The following SH2B1 variants were observed in gnomAD, a reference collection of about 807,000 sequenced individuals.
The protein encoded by SH2B1 is SH2B adapter protein 1.
In SH2B1, 15 loss-of-function variants were observed where a neutral mutation model predicts 62.6. That is an observed-to-expected ratio of 0.24 (90% CI 0.16 to 0.37). The LOEUF (loss-of-function observed/expected upper bound fraction) is 0.37, where lower values mean the gene tolerates loss of function less well. Ranked by LOEUF, SH2B1 falls within the 10% of genes least tolerant of loss-of-function variation. SH2B1 has a pLI of 1.00. For synonymous variants in SH2B1, 443 were observed against 438.0 expected (o/e 1.01, Z -0.14); for missense variants, 925 against 1,015.6 (o/e 0.91, Z 1.21).
chr16:28,868,738 G>C (rs1418683081), intron 2 of SH2B1, among the ~76,000 whole-genome samples: 1 of 152,142 alleles, frequency 6.6e-6, no homozygotes, highest in African/African-American at 2.4e-5. Flanking sequence ...TTACAGGTGT[G>C]AGCCATCGTA....
intron 1 of SH2B1, among the ~76,000 whole-genome samples, chr16:28,857,735 G>A (rs910051689): frequency 4.2e-5 from 5 of 119,536 alleles, no homozygotes; most frequent in Non-Finnish European, 8.1e-5. Context: ...TTCAGTGTCC[G>A]GAGTTCTTTT....
intron 1 of SH2B1, among the ~76,000 whole-genome samples, chr16:28,855,926 C>G (rs1266272163): frequency 6.7e-6 from 1 of 149,074 alleles, no homozygotes; most frequent in African/African-American, 2.5e-5. Flanking sequence ...CTGCCTCGGC[C>G]TCCCAAAGTG....
At chr16:28,853,026 A>AT (rs1962225310) in intron 1 of SH2B1, among the ~76,000 whole-genome samples, 1 of 72,704 alleles carries the variant, frequency 1.4e-5, no homozygotes, top group East Asian at 3.8e-4. Context: ...ATATATGTAC[A>AT]TATATATGTA....
rs370302573 is a variant in SH2B1 at position 28,873,257 on chromosome 16, C to G, written c.1898-190C>G. 6.2e-7 allele frequency: 1 copy of G among 1,607,454 alleles called. No individual in the cohort carries two copies. Among genetic ancestry groups the G allele is most frequent in the South Asian group, 1.1e-5 (1 of 90,204 alleles). On this transcript the variant is annotated intron_variant, in intron 7 of 7. Transcript: ENST00000684370. The surrounding 1 kb of genome is among the most constrained non-coding windows in gnomAD (Gnocchi z 4.2). ...TCCTGCACCCTCATGCCCTTCGGAG[C>G]GAGTGACTGTGTGTAAGTGTGGTCC...
At position 28,864,052 on chromosome 16, in the gene SH2B1, G is replaced by A. The variant is rs1567465100; in HGVS notation, c.-2043G>A. On this transcript the variant is annotated 5_prime_UTR_variant, in exon 1 of 8. Transcript: ENST00000684370. ...GGTGGGGGTGGGCGTGGAGGGCCGGGGGCTGGAGAGGCACTCGGCCCCGGA... is the reference window on the plus strand; with the variant it reads ...GGTGGGGGTGGGCGTGGAGGGCCGGAGGCTGGAGAGGCACTCGGCCCCGGA... 1 of 1,369,940 alleles carries A rather than the reference G, an allele frequency of 7.3e-7. No individual in the cohort carries two copies. The highest frequency in any genetic ancestry group is 9.4e-7 in the Non-Finnish European group (1 of 1,059,160). The allele number at this position is 1,369,940 out of a possible 1,614,324, so 84.9% of individuals were successfully genotyped here. A position where few individuals can be genotyped will look rare whatever the true frequency, so the allele number is the denominator to read the frequency against.
At chr16:28,861,333 A>G (rs1235312925), upstream of SH2B1, among the ~76,000 whole-genome samples, 3 of 152,042 alleles carry the variant, frequency 2.0e-5, no homozygotes, top group East Asian at 1.9e-4. Context: ...GGGTTTCACT[A>G]TGTTGGCCAG....
chr16:28,850,917 G>C (rs1760732651), intron 1 of SH2B1, among the ~76,000 whole-genome samples: 1 of 150,264 alleles, frequency 6.7e-6, no homozygotes, highest in African/African-American at 2.5e-5. Context: ...GCTCATGCCT[G>C]TAATCCCAGC....
In SH2B1 at chr16:28,865,820, C is replaced by A; in HGVS notation, c.-275C>A. The A allele has an allele frequency of 1.6e-6, 2 of 1,245,522 alleles. No homozygotes were observed. The highest frequency in any genetic ancestry group is 1.6e-5 in the African/African-American group (1 of 64,364). The allele number at this position is 1,245,522 out of a possible 1,614,324, so 77.2% of individuals were successfully genotyped here. On this transcript the variant is annotated 5_prime_UTR_variant, in exon 1 of 8. It adds an upstream start codon to the 5' untranslated region. Coordinates refer to ENST00000684370, the MANE Select transcript of SH2B1 (RefSeq NM_001387430.1). ...TGGCAGGCTCGGGGCAGGTTAGACG[C>A]TGGGGAGCCAGTTGGCTGGGGCCTG...
chr16:28,852,249 T>G (rs867127656), intron 1 of SH2B1, among the ~76,000 whole-genome samples: 35 of 83,526 alleles, frequency 4.2e-4, no homozygotes, highest in South Asian at 7.1e-4. Flanking sequence ...TATATTTACA[T>G]ATATATATTT....
Position 28,872,076 on chromosome 16 carries a change from G to T in SH2B1, c.1513+93G>T, listed in dbSNP as rs991367688. 1.6e-5 allele frequency: 22 copies of T among 1,353,580 alleles called. No homozygotes were observed. The highest frequency in any genetic ancestry group is 2.3e-5 in the Non-Finnish European group (22 of 953,502). 83.8% of individuals were successfully genotyped at this position (1,353,580 alleles called of 1,614,324 possible). A position where few individuals can be genotyped will look rare whatever the true frequency, so the allele number is the denominator to read the frequency against. ...ATCCCGAGGGAGCTGGCCCAGGGGAGTTGGGGACGCATGTGGGGAGCAGGC... is the reference window on the plus strand; with the variant it reads ...ATCCCGAGGGAGCTGGCCCAGGGGATTTGGGGACGCATGTGGGGAGCAGGC... On this transcript the variant is annotated intron_variant, in intron 5 of 7. Coordinates refer to ENST00000684370, the MANE Select transcript of SH2B1 (RefSeq NM_001387430.1). This position sits in a 1 kb window ranked among gnomAD's most constrained non-coding sequence, Gnocchi z 5.3.
At chr16:28,852,817 TAC>T (rs1427820454) in intron 1 of SH2B1, among the ~76,000 whole-genome samples, 55 of 51,872 alleles carry the variant, frequency 1.1e-3, no homozygotes, top group African/African-American at 4.9e-3. Flanking sequence ...TACATATATT[TAC>T]ATATATATTT....
At position 28,869,096 on chromosome 16, in the gene SH2B1, G is replaced by A; in HGVS notation, c.1132G>A (p.Gly378Arg). The change falls in exon 3 of 8, where the codon GGA becomes AGA. Residue 378 changes from glycine to arginine, a missense_variant and splice_region_variant. Gly to Arg is a moderately radical substitution (Grantham distance 125). This residue lies in a region of SH2B1 where 683 missense variants were observed against 704.0 expected (regional missense o/e 0.97). Coordinates refer to ENST00000684370, the MANE Select transcript of SH2B1 (RefSeq NM_001387430.1). ...TGACATCCAAGAATGCCTGAGCCCA[G>A]GGTGAGAAGCCTGACTTCTGTCGCT... The part of the protein sequence containing the change: ...VSDIQECLSP[G>R]PCPATSPRPM... 1 of 1,614,138 alleles carries A rather than the reference G, an allele frequency of 6.2e-7. No individual in the cohort carries two copies. Among genetic ancestry groups the A allele is most frequent in the East Asian group, 2.2e-5 (1 of 44,880 alleles).
rs780881879 is a variant in SH2B1 at position 28,866,808 on chromosome 16, C to T, written c.714C>T (p.Gly238=). 28 of 1,582,472 alleles carry T rather than the reference C, an allele frequency of 1.8e-5. No homozygotes were observed. The highest frequency in any genetic ancestry group is 4.5e-5 in the East Asian group (2 of 44,706). The change falls in exon 1 of 8, where the codon GGC becomes GGT. Residue 238 remains glycine, a synonymous_variant. Coordinates refer to ENST00000684370, the MANE Select transcript of SH2B1 (RefSeq NM_001387430.1). This position sits in a 1 kb window ranked among gnomAD's most constrained non-coding sequence, Gnocchi z 6.3. ...FERLRLSRGG[G]ALKDGAGMVQ... Reference sequence around the variant, plus strand: ...GGCTGAGACTCAGTCGGGGAGGGGGCGCCTTGAAGGATGGAGCAGGGATGG... The same window carrying T: ...GGCTGAGACTCAGTCGGGGAGGGGGTGCCTTGAAGGATGGAGCAGGGATGG...
rs781063312 is a variant in SH2B1, at chr16:28,866,293, C to T, written c.199C>T (p.Arg67Cys). 3.5e-5 allele frequency: 56 copies of T among 1,610,744 alleles called. No individual in the cohort carries two copies. Among genetic ancestry groups the T allele is most frequent in the Middle Eastern group, 1.6e-4 (1 of 6,076 alleles). Residue 67 changes from arginine (R) to cysteine (C), a missense_variant, in exon 1 of 8, where the codon CGT (arginine) becomes TGT (cysteine). This residue lies in a region of SH2B1 where 683 missense variants were observed against 704.0 expected (regional missense o/e 0.97). Coordinates refer to ENST00000684370, the MANE Select transcript of SH2B1 (RefSeq NM_001387430.1). The surrounding 1 kb of genome is among the most constrained non-coding windows in gnomAD (Gnocchi z 6.3). ...GPGAEAAFSR[R>C]FAELFLQHFE... ...CGGGGCCGAGGCTGCCTTCTCCCGC[C>T]GTTTTGCTGAGCTCTTCCTGCAGCA...
At position 28,873,913 on chromosome 16, in the gene SH2B1, C is replaced by G. The variant is rs532700662; in HGVS notation, c.*93C>G. On this transcript the variant is annotated 3_prime_UTR_variant, in exon 8 of 8. Transcript: ENST00000684370. This position sits in a 1 kb window ranked among gnomAD's most constrained non-coding sequence, Gnocchi z 4.2. Reference sequence around the variant, plus strand: ...ACAGAGGAGGCCGAAATCCCTCCCCCATGCTTCCTGACCCTTGTTGGCCAA... The same window carrying G: ...ACAGAGGAGGCCGAAATCCCTCCCCGATGCTTCCTGACCCTTGTTGGCCAA... 1.1e-4 allele frequency: 136 copies of G among 1,254,276 alleles called. 1 individual carries two copies. The Admixed American group carries it at 1.2e-3, about 11-fold the overall frequency. The allele number at this position is 1,254,276 out of a possible 1,614,324, so 77.7% of individuals were successfully genotyped here. A position where few individuals can be genotyped will look rare whatever the true frequency, so the allele number is the denominator to read the frequency against.
At chr16:28,852,715 CAT>C (rs1235536891) in intron 1 of SH2B1, among the ~76,000 whole-genome samples, 6 of 35,722 alleles carry the variant, frequency 1.7e-4, no homozygotes, top group Non-Finnish European at 3.5e-4. Context: ...TATATATTTA[CAT>C]ATATATTTAT....
At position 28,866,834 on chromosome 16, in the gene SH2B1, T is replaced by C; in HGVS notation, c.740T>C (p.Val247Ala). ...GCCTTGAAGGATGGAGCAGGGATGG[T>C]GCAGAGGGAAGAGCTGCTGAGTTTC... ...GGALKDGAGM[V>A]QREELLSFMG... The change falls in exon 1 of 8, where the codon GTG (valine) becomes GCG (alanine). Residue 247 changes from valine (V) to alanine (A), a missense_variant. Physicochemically the swap from Val to Ala is moderately conservative, Grantham distance 64. Around this residue, in one of 3 missense-constraint regions of SH2B1, gnomAD observed 683 missense variants for 704.0 expected, o/e 0.97. Transcript: ENST00000684370. The surrounding 1 kb of genome is among the most constrained non-coding windows in gnomAD (Gnocchi z 6.3). 6.3e-7 allele frequency: 1 copy of C among 1,599,208 alleles called. No individual in the cohort carries two copies.
At position 28,872,407 on chromosome 16, in the gene SH2B1, C is replaced by T; in HGVS notation, c.1725+6C>T. On this transcript the variant is annotated splice_donor_region_variant and intron_variant, in intron 6 of 7. Transcript: ENST00000684370. The surrounding 1 kb of genome is among the most constrained non-coding windows in gnomAD (Gnocchi z 5.3). ...ACTTCCAGGGCAAGGCCAAGGTGAGCCACCCTGTGGGAAAGGCTCTGTTCT... is the reference window on the plus strand; with the variant it reads ...ACTTCCAGGGCAAGGCCAAGGTGAGTCACCCTGTGGGAAAGGCTCTGTTCT... The T allele has an allele frequency of 6.3e-7, 1 of 1,595,012 alleles. No individual in the cohort carries two copies. Among genetic ancestry groups the T allele is most frequent in the Non-Finnish European group, 8.6e-7 (1 of 1,169,138 alleles).
At chr16:28,863,420 G>T, upstream of SH2B1, 1 of 430,902 alleles carries the variant, frequency 2.3e-6, no homozygotes, top group Non-Finnish European at 4.2e-6. Context: ...CTCCTTGGTG[G>T]CGTTGTCCGC....
Sources: allele counts gnomAD v4.1 joint callset (sites outside exome capture counted in the v4.1 genomes callset), GRCh38; gene constraint gnomAD v4.1.1; regional missense constraint gnomAD v4.1.1; non-coding constraint Gnocchi (gnomAD v3.1); transcripts MANE v1.5; gene names NCBI Gene and HGNC (gene_info 2026-07-23, HGNC 2026-07-21).